The following SDC1 variants were observed in gnomAD, a reference collection of about 807,000 sequenced individuals.
SDC1 encodes syndecan-1.
Under a neutral mutation model 29.7 loss-of-function variants are expected in SDC1, and 14 were observed. The ratio of observed to expected loss-of-function variants is 0.47; its 90% CI spans 0.31 to 0.74. The LOEUF (loss-of-function observed/expected upper bound fraction) is 0.74. Ranked by LOEUF, SDC1 falls within the 30% of genes least tolerant of loss-of-function variation. SDC1 has a pLI of 0.05. For missense variants in SDC1, 406 were observed against 400.3 expected (o/e 1.01, Z -0.12); for synonymous variants, 204 against 175.5 (o/e 1.16, Z -1.29).
At position 20,202,468 on chromosome 2, in the gene SDC1, G is replaced by A. The variant is rs2148276881; in HGVS notation, c.*298C>T. ...CCCTCCCCTCCAGAGCTGGACCTGG[G>A]GAGAGGCTGCTTCAGTTTGGAGAAA... On this transcript the variant is annotated 3_prime_UTR_variant, in exon 5 of 5. Coordinates refer to ENST00000254351, the MANE Select transcript of SDC1 (RefSeq NM_002997.5). The A allele has an allele frequency of 1.7e-6, 1 of 593,548 alleles. No individual in the cohort carries two copies. The highest frequency in any genetic ancestry group is 3.0e-6 in the Non-Finnish European group (1 of 333,752). The allele number at this position is 593,548 out of a possible 1,614,324, so 36.8% of individuals were successfully genotyped here.
chr2:20,220,317 G>A (rs72785204), intron 1 of SDC1, among the ~76,000 whole-genome samples: 46,910 of 152,000 alleles, frequency 0.31, 7,528 homozygotes, highest in Middle Eastern at 0.38. Context: ...TCTCAGGGGA[G>A]ACTTGACAGT....
intron 1 of SDC1, among the ~76,000 whole-genome samples, chr2:20,216,453 G>A (rs1047681923): frequency 1.3e-5 from 2 of 152,224 alleles, no homozygotes; most frequent in Admixed American, 1.3e-4. Flanking sequence ...CCTCTAGGAA[G>A]GTCTCAGAGG....
chr2:20,221,711 G>T (rs550688108), intron 1 of SDC1, among the ~76,000 whole-genome samples: 52 of 152,314 alleles, frequency 3.4e-4, no homozygotes, highest in African/African-American at 1.2e-3. Context: ...AAAAACTGCA[G>T]AAGTCAAGCT....
At chr2:20,209,508 C>A (rs1373196577) in intron 1 of SDC1, among the ~76,000 whole-genome samples, 1 of 152,188 alleles carries the variant, frequency 6.6e-6, no homozygotes, top group Non-Finnish European at 1.5e-5. Flanking sequence ...GTGACGCTAC[C>A]CAGGGACCAG....
At chr2:20,223,508 G>C (rs554618401) in intron 1 of SDC1, 252 of 310,182 alleles carry the variant, frequency 8.1e-4, no homozygotes, top group African/African-American at 5.3e-3. Flanking sequence ...TTCCGGAAGG[G>C]GAAGCGCCCC....
At chr2:20,210,010 C>G (rs1442406039) in intron 1 of SDC1, among the ~76,000 whole-genome samples, 1 of 152,234 alleles carries the variant, frequency 6.6e-6, no homozygotes, top group Non-Finnish European at 1.5e-5. Flanking sequence ...TGGTCACCTG[C>G]TGCTTGAAGT....
At chr2:20,208,005 A>G (rs2148285977) in intron 1 of SDC1, 1 of 985,464 alleles carries the variant, frequency 1.0e-6, no homozygotes, top group Non-Finnish European at 1.2e-6. Flanking sequence ...GAGAAAGCTC[A>G]AGATGGGGCA....
Position 20,224,287 on chromosome 2 carries a change from C to T in SDC1, c.66+515G>A. On this transcript the variant is annotated intron_variant, in intron 1 of 4. Coordinates refer to ENST00000254351, the MANE Select transcript of SDC1 (RefSeq NM_002997.5). The surrounding 1 kb of genome is among the most constrained non-coding windows in gnomAD (Gnocchi z 4.9). ...GCTCCCCGGGCCAACGCGGCCGCCT[C>T]CCGCTCCCGCGCCGGCCGCGCTGCG... is the stretch of plus-strand genomic sequence containing the variant. 5.9e-6 allele frequency: 1 copy of T among 168,208 alleles called. No individual in the cohort carries two copies. The highest frequency in any genetic ancestry group is 1.2e-5 in the Non-Finnish European group (1 of 81,450). 10.4% of individuals were successfully genotyped at this position (168,208 alleles called of 1,614,324 possible).
chr2:20,202,920 C>G lies in SDC1; in HGVS notation c.779G>C (p.Gly260Ala), dbSNP rs753009550. 1.2e-6 allele frequency: 2 copies of G among 1,611,974 alleles called. No homozygotes were observed. Among genetic ancestry groups the G allele is most frequent in the South Asian group, 1.1e-5 (1 of 90,772 alleles). ...KEVLGGVIAG[G>A]LVGLIFAVCL... ...CACAGCAAAGATGAGCCCCACGAGGCCTCCGGCAATGACCCCTAGGGCAGG... is the reference window on the plus strand; with the variant it reads ...CACAGCAAAGATGAGCCCCACGAGGGCTCCGGCAATGACCCCTAGGGCAGG... Residue 260 changes from glycine (G) to alanine (A), a missense_variant, in exon 5 of 5, where the codon GGC becomes GCC. Coordinates refer to ENST00000254351, the MANE Select transcript of SDC1 (RefSeq NM_002997.5).
chr2:20,205,466 G>A lies in SDC1; in HGVS notation c.67-42C>T, dbSNP rs201924758. ...ATATGGTATGAGTAAAGGCTTGGCC[G>A]GGTCTCTGCTGCTCCTGGGTCCTCT... On this transcript the variant is annotated intron_variant, in intron 1 of 4. Transcript: ENST00000254351. The A allele has an allele frequency of 7.5e-5, 115 of 1,537,794 alleles. No homozygotes were observed. The African/African-American group carries it at 7.9e-4, about 11-fold the overall frequency.
chr2:20,217,927 G>C (rs2148294932), intron 1 of SDC1, among the ~76,000 whole-genome samples: 1 of 152,244 alleles, frequency 6.6e-6, no homozygotes, highest in Middle Eastern at 3.4e-3. Flanking sequence ...GTCCACTCCA[G>C]CTCCCACAAG....
At chr2:20,203,010 G>A in intron 4 of SDC1, 75 bp from the exon 5 acceptor site, 4 of 1,566,494 alleles carry the variant, frequency 2.6e-6, no homozygotes, top group Non-Finnish European at 3.5e-6. Flanking sequence ...CAAAGCAGTG[G>A]CCTTGGCTGT....
intron 1 of SDC1, among the ~76,000 whole-genome samples, chr2:20,211,689 G>T (rs890150319): frequency 7.9e-5 from 12 of 152,254 alleles, no homozygotes; most frequent in African/African-American, 2.9e-4. Context: ...GGGCTCCGGG[G>T]ACGAAGGCTG....
At chr2:20,223,627 G>A (rs1428285932) in intron 1 of SDC1, among the ~76,000 whole-genome samples, 1 of 152,176 alleles carries the variant, frequency 6.6e-6, no homozygotes, top group Non-Finnish European at 1.5e-5. Flanking sequence ...AACTCGGGCG[G>A]CAGACTCGGG....
chr2:20,207,486 T>C (rs1468492213), intron 1 of SDC1: 3 of 719,776 alleles, frequency 4.2e-6, no homozygotes, highest in East Asian at 1.3e-4. Context: ...GGAGGATCAC[T>C]TGAGCTCAGG....
chr2:20,219,458 C>T (rs1677742797), intron 1 of SDC1, among the ~76,000 whole-genome samples: 1 of 152,238 alleles, frequency 6.6e-6, no homozygotes, highest in Admixed American at 6.5e-5. Context: ...GAAGTAGCCC[C>T]AAGCCCAGGG....
At chr2:20,209,507 C>G (rs1677392354) in intron 1 of SDC1, among the ~76,000 whole-genome samples, 1 of 152,206 alleles carries the variant, frequency 6.6e-6, no homozygotes, top group South Asian at 2.1e-4. Context: ...GGTGACGCTA[C>G]CCAGGGACCA....
intron 1 of SDC1, 28 bp from the exon 2 acceptor site, chr2:20,205,452 G>A (rs992828093): frequency 6.3e-7 from 1 of 1,592,584 alleles, no homozygotes; most frequent in Admixed American, 1.7e-5. Context: ...TATGGTATGA[G>A]TAAAGGCTTG....
At chr2:20,215,781 T>A (rs1677608474) in intron 1 of SDC1, among the ~76,000 whole-genome samples, 1 of 152,200 alleles carries the variant, frequency 6.6e-6, no homozygotes, top group Non-Finnish European at 1.5e-5. Flanking sequence ...GAAGTCCGGA[T>A]GTGATCCAGG....
Sources: gnomAD v4.1 joint callset for allele counts (sites outside exome capture counted in the v4.1 genomes callset) on GRCh38, gnomAD v4.1.1 for gene constraint, Gnocchi (gnomAD v3.1) non-coding constraint, MANE v1.5 for transcripts, NCBI Gene and HGNC (gene_info 2026-07-23, HGNC 2026-07-21) for gene names.